The following TLN2 variants were observed in gnomAD, a reference collection of about 807,000 sequenced individuals.
TLN2 encodes talin-2.
In TLN2, 118 loss-of-function variants were observed where a neutral mutation model predicts 294.7. The ratio of observed to expected loss-of-function variants is 0.40; its 90% CI spans 0.34 to 0.47. The LOEUF is 0.47. TLN2 is among the 20% of genes least tolerant of loss of function. The pLI is 0.84. For missense variants in TLN2, 3,083 were observed against 3,282.2 expected, an observed-to-expected ratio of 0.94 and a Z score of 1.48; for synonymous variants, 1,431 against 1,304.5, an observed-to-expected ratio of 1.10 and a Z score of -2.09.
At chr15:62,776,600 C>T (rs1306421456) in intron 42 of TLN2, among the ~76,000 whole-genome samples, 164 bp from the exon 43 acceptor site, 4 of 152,084 alleles carry the variant, frequency 2.6e-5, no homozygotes, top group African/African-American at 7.2e-5. Context: ...TTTTTATTTA[C>T]TTTGCAAACA....
chr15:62,648,081 A>C (rs999197339), intron 4 of TLN2, among the ~76,000 whole-genome samples: 6 of 152,144 alleles, frequency 3.9e-5, no homozygotes, highest in Non-Finnish European at 5.9e-5. Context: ...ATCCCTTCCA[A>C]ATCAGTAAGT....
At chr15:62,797,176 CCT>C (rs1454864382) in intron 47 of TLN2, 41 bp from the exon 48 acceptor site, 1 of 1,608,256 alleles carries the variant, frequency 6.2e-7, no homozygotes, top group Non-Finnish European at 8.5e-7. Context: ...CAAGCTTTGC[CCT>C]CTGTCTCTCC....
intron 1 of TLN2, among the ~76,000 whole-genome samples, chr15:62,515,995 G>A (rs2040173467): frequency 6.6e-6 from 1 of 152,136 alleles, no homozygotes; most frequent in South Asian, 2.1e-4. Flanking sequence ...GGTATGATGT[G>A]GCCAGGACTC....
intron 1 of TLN2, among the ~76,000 whole-genome samples, chr15:62,526,789 G>A (rs937403446): frequency 2.0e-5 from 3 of 152,130 alleles, no homozygotes; most frequent in Non-Finnish European, 4.4e-5. Flanking sequence ...ATTTCCATGT[G>A]AGAGGTAATG....
At position 62,708,530 on chromosome 15, in the gene TLN2, T is replaced by A; in HGVS notation, c.2201T>A (p.Val734Glu). 1 of 1,614,014 alleles carries A rather than the reference T, an allele frequency of 6.2e-7. No individual in the cohort carries two copies. The highest frequency in any genetic ancestry group is 8.5e-7 in the Non-Finnish European group (1 of 1,179,888). Reference protein sequence around the residue: ...KVVSPTISSPVCQEQLIEAGK... With the variant: ...KVVSPTISSPECQEQLIEAGK... ...GTGAGCCCCACTATTAGCTCCCCTG[T>A]GTGCCAGGAGCAGCTGATTGAAGCA... is the stretch of plus-strand genomic sequence containing the variant. Residue 734 changes from valine (V) to glutamate (E), a missense_variant, in exon 21 of 59, where the codon GTG becomes GAG. By Grantham distance (121) the Val-to-Glu change is moderately radical (BLOSUM62 -2). Transcript: ENST00000636159.
At chr15:62,819,029 A>AT (rs901363226) in intron 52 of TLN2, among the ~76,000 whole-genome samples, 1 of 150,310 alleles carries the variant, frequency 6.7e-6, no homozygotes, top group Non-Finnish European at 1.5e-5. Context: ...CCAATTTTTA[A>AT]TTTTTTTTTA....
intron 1 of TLN2, among the ~76,000 whole-genome samples, chr15:62,425,168 G>A (rs753172804): frequency 3.9e-5 from 6 of 152,134 alleles, no homozygotes; most frequent in Non-Finnish European, 7.4e-5. Flanking sequence ...GGCCAGGCTG[G>A]TCTCGAACTC....
chr15:62,795,808 C>T (rs775586714), intron 46 of TLN2, among the ~76,000 whole-genome samples: 23 of 152,194 alleles, frequency 1.5e-4, no homozygotes, highest in Non-Finnish European at 2.1e-4. Context: ...TTACTATGTG[C>T]CAAATGCCTT....
At chr15:62,675,100 A>G in intron 10 of TLN2, 117 bp from the exon 11 acceptor site, 2 of 901,900 alleles carry the variant, frequency 2.2e-6, no homozygotes, top group East Asian at 2.6e-5. Context: ...AGACACAACC[A>G]TCACTTAATG....
chr15:62,765,002 T>C (rs1472216039), intron 40 of TLN2, among the ~76,000 whole-genome samples: 23 of 144,852 alleles, frequency 1.6e-4, no homozygotes, highest in Non-Finnish European at 3.2e-4. Context: ...GTAGCAAAGA[T>C]GACCAGCACC....
intron 28 of TLN2, among the ~76,000 whole-genome samples, chr15:62,736,055 G>A (rs986801834): frequency 2.0e-5 from 3 of 152,204 alleles, no homozygotes; most frequent in Non-Finnish European, 4.4e-5. Context: ...GCTGACGCCT[G>A]TAATCCCAGC....
intron 3 of TLN2, among the ~76,000 whole-genome samples, chr15:62,623,711 T>G (rs1286895965): frequency 6.6e-6 from 1 of 152,238 alleles, no homozygotes; most frequent in Non-Finnish European, 1.5e-5. Flanking sequence ...AGTTGACCAT[T>G]ATCAGGCAGT....
intron 1 of TLN2, among the ~76,000 whole-genome samples, chr15:62,588,407 G>A (rs2045801537): frequency 6.6e-6 from 1 of 151,374 alleles, no homozygotes; most frequent in African/African-American, 2.4e-5. Context: ...AGAACCAGGT[G>A]GATGGATCAC....
At chr15:62,834,427 G>A (rs1333615750) in intron 55 of TLN2, 1 of 152,150 alleles carries the variant, frequency 6.6e-6, no homozygotes, top group Non-Finnish European at 1.5e-5. Flanking sequence ...GGACTTTGCT[G>A]TCAGTGTACA....
rs1294128316 is a variant in TLN2, at chr15:62,771,034, A to G, written c.5267A>G (p.Asp1756Gly). The G allele has an allele frequency of 6.2e-7, 1 of 1,610,980 alleles. No homozygotes were observed. ...AAVGVASKIL[D>G]HQQQMTVLDQ... Reference sequence around the variant, plus strand: ...GTTGGTGTGGCCTCCAAGATTCTTGATCATCAGCAGCAGATGACGGTGCTG... The same window carrying G: ...GTTGGTGTGGCCTCCAAGATTCTTGGTCATCAGCAGCAGATGACGGTGCTG... Residue 1756 changes from aspartate (D) to glycine (G), a missense_variant, in exon 42 of 59, where the codon GAT (aspartate) becomes GGT (glycine). By Grantham distance (94) the Asp-to-Gly change is moderately conservative (BLOSUM62 -1). Coordinates refer to ENST00000636159, the MANE Select transcript of TLN2 (RefSeq NM_015059.3).
chr15:62,449,479 A>T (rs911189053), intron 1 of TLN2, among the ~76,000 whole-genome samples: 1 of 152,190 alleles, frequency 6.6e-6, no homozygotes, highest in Non-Finnish European at 1.5e-5. Flanking sequence ...CTTTTGCATC[A>T]GGACTGCTCT....
chr15:62,809,294 A>G (rs1479929317), intron 51 of TLN2, among the ~76,000 whole-genome samples: 2 of 152,228 alleles, frequency 1.3e-5, no homozygotes, highest in Non-Finnish European at 2.9e-5. Flanking sequence ...AAGTACAAGA[A>G]AAAAGCTCAA....
intron 44 of TLN2, 82 bp downstream of exon 44, chr15:62,781,323 T>C (rs2064147205): frequency 1.0e-5 from 11 of 1,099,754 alleles, no homozygotes; most frequent in Non-Finnish European, 1.5e-5. Flanking sequence ...ATCCCAGATC[T>C]GTGTCAGAGA....
At chr15:62,609,046 ATGG>A (rs1183421756) in intron 2 of TLN2, among the ~76,000 whole-genome samples, 1 of 151,948 alleles carries the variant, frequency 6.6e-6, no homozygotes, top group Admixed American at 6.5e-5. Flanking sequence ...TGGGCTTGTG[ATGG>A]TGGTGGTGGT....
Sources: gnomAD v4.1 joint callset for allele counts (sites outside exome capture counted in the v4.1 genomes callset) on GRCh38, gnomAD v4.1.1 for gene constraint, MANE v1.5 for transcripts, NCBI Gene and HGNC (gene_info 2026-07-23, HGNC 2026-07-21) for gene names.